Variants in FRMD4B observed in about 807,000 individuals in gnomAD.
FRMD4B encodes the protein FERM domain containing 4B, also known as FERM domain-containing protein 4B.
In FRMD4B, 74 loss-of-function variants were observed where a neutral mutation model predicts 141.5. The observed-to-expected ratio is 0.52, with a 90% CI of 0.43 to 0.63. The LOEUF is 0.63. Ranked by LOEUF, FRMD4B falls within the 30% of genes least tolerant of loss-of-function variation. FRMD4B has a pLI of 0.00. For missense variants in FRMD4B, 1,366 were observed against 1,253.4 expected, an observed-to-expected ratio of 1.09 and a Z score of -1.36; for synonymous variants, 506 against 467.9, an observed-to-expected ratio of 1.08 and a Z score of -1.05.
At chr3:69,442,684 T>C (rs1344982703) in intron 1 of FRMD4B, among the ~76,000 whole-genome samples, 1 of 152,204 alleles carries the variant, frequency 6.6e-6, no homozygotes, top group Non-Finnish European at 1.5e-5. Flanking sequence ...GTGCACCCAC[T>C]GACGTCCTAT....
chr3:69,454,372 G>T (rs1270144217), intron 1 of FRMD4B, among the ~76,000 whole-genome samples: 1 of 152,230 alleles, frequency 6.6e-6, no homozygotes, highest in African/African-American at 2.4e-5. Flanking sequence ...GCTGCACCGT[G>T]GGAGCCCCTC....
At chr3:69,185,752 T>G (rs970067790) in intron 19 of FRMD4B, among the ~76,000 whole-genome samples, 5 of 152,098 alleles carry the variant, frequency 3.3e-5, no homozygotes, top group African/African-American at 1.2e-4. Flanking sequence ...CAGTAAGTAC[T>G]CAATAGCGGC....
chr3:69,455,908 C>T (rs1485657973), intron 1 of FRMD4B, among the ~76,000 whole-genome samples: 1 of 152,192 alleles, frequency 6.6e-6, no homozygotes, highest in African/African-American at 2.4e-5. Context: ...TCCACCATCA[C>T]CTGGCCATTT....
rs538197944 is a variant in FRMD4B at position 69,288,186 on chromosome 3, C to T, written c.417-350G>A. On this transcript the variant is annotated intron_variant, in intron 4 of 22. Transcript: ENST00000398540. ...TACCTCAGACAGCTTCAAAACAAAG[C>T]GCAGATGAACTAGGAGTTGAAAGCT... Among the ~76,000 whole-genome samples, 5 of 152,332 alleles carry T rather than the reference C, an allele frequency of 3.3e-5. No individual in the cohort carries two copies. The South Asian group carries it at 6.2e-4, about 19-fold the overall frequency.
intron 1 of FRMD4B, among the ~76,000 whole-genome samples, chr3:69,533,986 T>A (rs1347662737): frequency 6.6e-6 from 1 of 152,220 alleles, no homozygotes; most frequent in East Asian, 1.9e-4. Flanking sequence ...GGTTCCCTGA[T>A]CCCTTGCTAC....
At chr3:69,275,161 T>C (rs1318613601) in intron 5 of FRMD4B, among the ~76,000 whole-genome samples, 1 of 152,168 alleles carries the variant, frequency 6.6e-6, no homozygotes. Flanking sequence ...AAAAGAAATA[T>C]GTCAAAATAA....
chr3:69,234,300 CAACTT>C (rs796494560), intron 7 of FRMD4B, among the ~76,000 whole-genome samples: 85 of 151,030 alleles, frequency 5.6e-4, no homozygotes, highest in African/African-American at 2.0e-3. Flanking sequence ...TAACAGGTGC[CAACTT>C]AACTATCAAT....
intron 7 of FRMD4B, among the ~76,000 whole-genome samples, chr3:69,225,458 A>C (rs12490081): frequency 6.7e-6 from 1 of 148,324 alleles, no homozygotes; most frequent in South Asian, 2.1e-4. Flanking sequence ...GGCAGATCAC[A>C]AGGTCAGGAG....
At chr3:69,195,209 G>C (rs577600015) in intron 15 of FRMD4B, 22 bp downstream of exon 15, 1 of 1,612,822 alleles carries the variant, frequency 6.2e-7, no homozygotes, top group South Asian at 1.1e-5. Flanking sequence ...ACAACTTGAT[G>C]AGCCCCAAAA....
At chr3:69,435,138 G>A (rs1705239815) in intron 1 of FRMD4B, among the ~76,000 whole-genome samples, 1 of 152,080 alleles carries the variant, frequency 6.6e-6, no homozygotes, top group African/African-American at 2.4e-5. Context: ...ACATTCTGAG[G>A]TACTATGAAT....
At chr3:69,504,480 C>T (rs1706562193) in intron 1 of FRMD4B, among the ~76,000 whole-genome samples, 2 of 152,108 alleles carry the variant, frequency 1.3e-5, no homozygotes, top group Admixed American at 1.3e-4. Flanking sequence ...CCCAAACCAC[C>T]CCTCCCAGAC....
intron 1 of FRMD4B, among the ~76,000 whole-genome samples, chr3:69,476,238 T>A (rs1345128867): frequency 6.6e-6 from 1 of 152,066 alleles, no homozygotes; most frequent in African/African-American, 2.4e-5. Flanking sequence ...TTGGCTTTTG[T>A]TGCCATTGCC....
At chr3:69,200,473 C>T (rs976560916) in intron 11 of FRMD4B, 5 of 982,178 alleles carry the variant, frequency 5.1e-6, no homozygotes, top group Middle Eastern at 5.3e-4. Flanking sequence ...GGTTCTTCCG[C>T]CCTCCCCCCT....
chr3:69,423,584 G>A (rs896926253), intron 2 of FRMD4B, among the ~76,000 whole-genome samples: 5 of 152,154 alleles, frequency 3.3e-5, no homozygotes, highest in African/African-American at 1.2e-4. Context: ...GAATGTTTGT[G>A]TATTTCCAAA....
intron 1 of FRMD4B, among the ~76,000 whole-genome samples, chr3:69,455,301 G>C (rs931802686): frequency 2.0e-5 from 3 of 152,332 alleles, no homozygotes; most frequent in Non-Finnish European, 2.9e-5. Context: ...CATAATGTGG[G>C]AGGTTTGTTC....
In FRMD4B at chr3:69,479,219, A is replaced by G. The variant is rs1278355797; in HGVS notation, c.-128-46458T>C. On this transcript the variant is annotated intron_variant, in intron 1 of 5. Coordinates refer to the FRMD4B transcript ENST00000459638. ...TAGTCCATTTACATTTAAGGTTAAT[A>G]TTGTTATGTGTGAATTTGATCCTGT... 5.3e-5 allele frequency among the ~76,000 whole-genome samples: 8 copies of G among 150,712 alleles called. No homozygotes were observed. In the East Asian group the frequency reaches 1.6e-3, roughly 29 times the overall value.
chr3:69,213,303 G>A (rs767920171), intron 11 of FRMD4B, among the ~76,000 whole-genome samples: 19 of 149,478 alleles, frequency 1.3e-4, no homozygotes, highest in Non-Finnish European at 8.9e-5. Context: ...TTCCCCTAAA[G>A]CATTTTTTTG....
At chr3:69,514,926 A>G (rs751317337) in intron 1 of FRMD4B, among the ~76,000 whole-genome samples, 1 of 152,208 alleles carries the variant, frequency 6.6e-6, no homozygotes, top group Non-Finnish European at 1.5e-5. Context: ...AAAAAAATGA[A>G]CAAAGTTGGA....
Position 69,176,526 on chromosome 3 carries a change from G to A in FRMD4B, c.2982C>T (p.Ser994=). 1.2e-6 allele frequency: 2 copies of A among 1,610,932 alleles called. No homozygotes were observed. Among genetic ancestry groups the A allele is most frequent in the Non-Finnish European group, 1.7e-6 (2 of 1,177,230 alleles). ...ATTTTCGAGCATTGCTTCCTCACCTGCTTGGAGAGGGTAAAGGATTATAGA... is the reference window on the plus strand; with the variant it reads ...ATTTTCGAGCATTGCTTCCTCACCTACTTGGAGAGGGTAAAGGATTATAGA... ...GNVYNPLPSP[S]RQYTEISQLD... Residue 994 remains serine (S), a splice_region_variant and synonymous_variant, in exon 22 of 23, where the codon AGC becomes AGT. Transcript: ENST00000398540.
Sources: allele counts gnomAD v4.1 joint callset (sites outside exome capture counted in the v4.1 genomes callset), GRCh38; gene constraint gnomAD v4.1.1; transcripts MANE v1.5; gene names NCBI Gene and HGNC (gene_info 2026-07-23, HGNC 2026-07-21).